Variants in HOOK3 observed in about 807,000 individuals in gnomAD.
HOOK3 encodes protein Hook homolog 3.
HOOK3 carries 24 observed loss-of-function variants against 116.3 expected under a neutral mutation model. That is an observed-to-expected ratio of 0.21 (90% CI 0.15 to 0.29). HOOK3 has a LOEUF of 0.29. Among genes scored for constraint, HOOK3 ranks in the 10% least tolerant of loss-of-function variants. HOOK3 has a pLI of 1.00. For missense variants in HOOK3, 632 were observed against 830.2 expected, an observed-to-expected ratio of 0.76 and a Z score of 2.93; for synonymous variants, 275 against 283.0, an observed-to-expected ratio of 0.97 and a Z score of 0.28.
At chr8:43,007,780 G>T (rs933743044) in intron 17 of HOOK3, 67 bp from the exon 18 acceptor site, 12 of 913,856 alleles carry the variant, frequency 1.3e-5, no homozygotes, top group East Asian at 2.6e-5. Context: ...AAGGAACTCA[G>T]ATCTTTAATT....
At chr8:42,920,420 T>C (rs1807634563) in intron 2 of HOOK3, among the ~76,000 whole-genome samples, 1 of 152,252 alleles carries the variant, frequency 6.6e-6, no homozygotes, top group African/African-American at 2.4e-5. Context: ...ATGAGAAGTC[T>C]AAAGACTACT....
intron 15 of HOOK3, among the ~76,000 whole-genome samples, chr8:42,993,817 T>G (rs1024048363): frequency 6.6e-6 from 1 of 152,206 alleles, no homozygotes; most frequent in Non-Finnish European, 1.5e-5. Context: ...CCAGTAATCC[T>G]TTGAATTTCT....
At chr8:42,958,112 G>A (rs527539654) in intron 7 of HOOK3, among the ~76,000 whole-genome samples, 84 of 152,256 alleles carry the variant, frequency 5.5e-4, no homozygotes, top group South Asian at 3.5e-3. Flanking sequence ...GGTTACAGGC[G>A]TGAGCCACCG....
intron 5 of HOOK3, among the ~76,000 whole-genome samples, chr8:42,946,834 T>C (rs937891307): frequency 2.0e-5 from 3 of 146,786 alleles, no homozygotes; most frequent in African/African-American, 7.6e-5. Context: ...AGTGGTGTGA[T>C]CTCGGCTCAT....
At chr8:42,933,354 T>A (rs956877400) in intron 4 of HOOK3, among the ~76,000 whole-genome samples, 3 of 152,230 alleles carry the variant, frequency 2.0e-5, no homozygotes, top group African/African-American at 7.2e-5. Flanking sequence ...AGATTCATTT[T>A]GGAATTCAGA....
At chr8:42,929,624 G>GT (rs998561602) in intron 3 of HOOK3, among the ~76,000 whole-genome samples, 41 of 151,468 alleles carry the variant, frequency 2.7e-4, no homozygotes, top group African/African-American at 8.9e-4. Flanking sequence ...AGAAACAATA[G>GT]TTTTTTTTTC....
At chr8:42,938,470 G>A (rs1049935526) in intron 4 of HOOK3, among the ~76,000 whole-genome samples, 4 of 152,058 alleles carry the variant, frequency 2.6e-5, no homozygotes, top group African/African-American at 9.7e-5. Context: ...ATTAGTTGAT[G>A]CAGTTTCTTC....
chr8:42,946,903 G>C (rs934221003), intron 5 of HOOK3, among the ~76,000 whole-genome samples: 2 of 151,226 alleles, frequency 1.3e-5, no homozygotes, highest in Admixed American at 1.3e-4. Context: ...TGAGTAGCTG[G>C]GATTACAGGT....
chr8:42,907,834 A>C (rs867272897), intron 2 of HOOK3, among the ~76,000 whole-genome samples: 2,481 of 150,778 alleles, frequency 0.016, 88 homozygotes, highest in African/African-American at 0.059. Context: ...AAAAAAAAAA[A>C]AAAAACAGTA....
intron 2 of HOOK3, among the ~76,000 whole-genome samples, chr8:42,915,605 T>A (rs113650829): frequency 0.09 from 13,756 of 152,068 alleles, 772 homozygotes; most frequent in Non-Finnish European, 0.13. Flanking sequence ...CTAATTTTTG[T>A]ATTTTTAGTA....
intron 4 of HOOK3, among the ~76,000 whole-genome samples, chr8:42,932,666 G>A (rs1807895852): frequency 6.6e-6 from 1 of 152,188 alleles, no homozygotes; most frequent in Admixed American, 6.5e-5. Context: ...TGCCTGAGAG[G>A]AAGAAGAAAT....
At chr8:43,004,820 A>G (rs1809447585) in intron 17 of HOOK3, among the ~76,000 whole-genome samples, 1 of 152,150 alleles carries the variant, frequency 6.6e-6, no homozygotes, top group Non-Finnish European at 1.5e-5. Flanking sequence ...AGGAGCATAC[A>G]TCAGTCTGCT....
At chr8:43,011,292 C>T (rs1270752027) in intron 19 of HOOK3, among the ~76,000 whole-genome samples, 1 of 152,078 alleles carries the variant, frequency 6.6e-6, no homozygotes, top group Non-Finnish European at 1.5e-5. Flanking sequence ...CGTGCCTGGC[C>T]AAGGGGGTCA....
chr8:42,919,787 T>C (rs972986496), intron 2 of HOOK3, among the ~76,000 whole-genome samples: 2 of 152,068 alleles, frequency 1.3e-5, no homozygotes, highest in East Asian at 1.9e-4. Context: ...CCAAAAAATA[T>C]GAAAACCAGT....
chr8:42,959,305 G>A lies in HOOK3; in HGVS notation c.606G>A (p.Leu202=). The A allele has an allele frequency of 6.2e-7, 1 of 1,608,128 alleles. No homozygotes were observed. Residue 202 remains leucine, a synonymous_variant, in exon 8 of 22, where the codon CTG becomes CTA. Transcript: ENST00000307602. The stretch of plus-strand genomic sequence containing the variant: ...AAATTGCTCAAAGATGCCATGAACT[G>A]GATATGCAGGTAAGAGATTTGTTCT... The part of the protein sequence containing the change: ...KEEIAQRCHE[L]DMQVAALQEE...
At chr8:42,957,885 A>G (rs983731650) in intron 7 of HOOK3, among the ~76,000 whole-genome samples, 1 of 144,226 alleles carries the variant, frequency 6.9e-6, no homozygotes, top group African/African-American at 2.6e-5. Flanking sequence ...GCTGGAGTGC[A>G]GTGGCGCAAT....
chr8:42,974,619 T>A (rs117164727), intron 13 of HOOK3, among the ~76,000 whole-genome samples: 26 of 152,334 alleles, frequency 1.7e-4, no homozygotes, highest in African/African-American at 5.8e-4. Context: ...AAATGAAACA[T>A]TGGGCCCACG....
intron 4 of HOOK3, among the ~76,000 whole-genome samples, chr8:42,940,496 GGGGACA>G (rs139960012): frequency 0.047 from 7,186 of 152,010 alleles, 327 homozygotes; most frequent in African/African-American, 0.12. Context: ...GGGAGACCGT[GGGGACA>G]GGGACAGGGA....
At chr8:42,907,939 A>T (rs1033433024) in intron 2 of HOOK3, among the ~76,000 whole-genome samples, 14 of 152,112 alleles carry the variant, frequency 9.2e-5, no homozygotes, top group African/African-American at 3.4e-4. Context: ...TCCAGAAAAA[A>T]ACTATTAGAC....
Sources: allele counts gnomAD v4.1 joint callset (sites outside exome capture counted in the v4.1 genomes callset), GRCh38; gene constraint gnomAD v4.1.1; transcripts MANE v1.5; gene names NCBI Gene and HGNC (gene_info 2026-07-23, HGNC 2026-07-21).